PPM1H: variants seen among roughly 807,000 people sequenced by gnomAD.
PPM1H encodes protein phosphatase, Mg2+/Mn2+ dependent 1H, also known as protein phosphatase 1H.
In PPM1H, 27 loss-of-function variants were observed where a neutral mutation model predicts 54.9. The observed-to-expected ratio is 0.49, with a 90% CI of 0.36 to 0.68. The LOEUF (loss-of-function observed/expected upper bound fraction) is 0.68, where lower values mean the gene tolerates loss of function less well. PPM1H is among the 30% of genes least tolerant of loss of function. The pLI is 0.00. For synonymous variants in PPM1H, 305 were observed against 270.8 expected (o/e 1.13, Z -1.24); for missense variants, 596 against 667.8 (o/e 0.89, Z 1.19).
At chr12:62,865,525 GC>G (rs537770051) in intron 1 of PPM1H, among the ~76,000 whole-genome samples, 51 of 152,090 alleles carry the variant, frequency 3.4e-4, no homozygotes, top group African/African-American at 1.2e-3. Context: ...ATTTTTTCTG[GC>G]CCTTTGTCAT....
At chr12:62,892,011 T>C (rs1434874383) in intron 1 of PPM1H, among the ~76,000 whole-genome samples, 1 of 152,226 alleles carries the variant, frequency 6.6e-6, no homozygotes, top group Non-Finnish European at 1.5e-5. Flanking sequence ...GATTAACTTA[T>C]GGCTACAACT....
intron 8 of PPM1H, among the ~76,000 whole-genome samples, chr12:62,673,840 C>A (rs1040361111): frequency 6.7e-6 from 1 of 149,720 alleles, no homozygotes; most frequent in African/African-American, 2.5e-5. Context: ...ACCCTCCCAT[C>A]TCAGCCTTTC....
At chr12:62,693,349 T>C (rs1249696137) in intron 7 of PPM1H, among the ~76,000 whole-genome samples, 3 of 152,222 alleles carry the variant, frequency 2.0e-5, no homozygotes, top group African/African-American at 4.8e-5. Flanking sequence ...GTCTGGACTC[T>C]GGTTGCTGTG....
At chr12:62,817,151 C>CA (rs1565797674) in intron 2 of PPM1H, among the ~76,000 whole-genome samples, 91 of 58,842 alleles carry the variant, frequency 1.5e-3, no homozygotes, top group Non-Finnish European at 2.2e-3. Context: ...AAAAAAAAAA[C>CA]TAAAAAAAAG....
At position 62,858,468 on chromosome 12, in the gene PPM1H, T is replaced by G. The variant is rs561077238; in HGVS notation, c.246-26189A>C. 3.7e-3 allele frequency among the ~76,000 whole-genome samples: 564 copies of G among 152,308 alleles called. 4 individuals are homozygous for G. The highest frequency in any genetic ancestry group is 0.012 in the South Asian group (58 of 4,830). On this transcript the variant is annotated intron_variant, in intron 1 of 9. Transcript: ENST00000228705. Reference sequence around the variant, plus strand: ...TGCTTTTTTTGTTGTTGTTGTTGTTTTTTTCATAAATAACTCTACAGGTTT... The same window carrying G: ...TGCTTTTTTTGTTGTTGTTGTTGTTGTTTTCATAAATAACTCTACAGGTTT...
intron 8 of PPM1H, among the ~76,000 whole-genome samples, chr12:62,676,181 A>T (rs2075984798): frequency 6.6e-6 from 1 of 152,192 alleles, no homozygotes; most frequent in East Asian, 1.9e-4. Context: ...GCTTCAAGTC[A>T]TCCCTGGCTT....
intron 1 of PPM1H, among the ~76,000 whole-genome samples, chr12:62,933,146 C>G (rs577482367): frequency 6.6e-6 from 1 of 152,254 alleles, no homozygotes; most frequent in South Asian, 2.1e-4. Context: ...TTTTTACTGT[C>G]TGAGCTCCCA....
intron 4 of PPM1H, among the ~76,000 whole-genome samples, chr12:62,771,295 G>GACACAC (rs4026219): frequency 0.01 from 1,321 of 131,954 alleles, 11 homozygotes; most frequent in South Asian, 0.021. Context: ...ACTTTGTGAA[G>GACACAC]ACACACACAC....
chr12:62,924,264 G>A (rs969784179), intron 1 of PPM1H, among the ~76,000 whole-genome samples: 1 of 152,140 alleles, frequency 6.6e-6, no homozygotes, highest in Admixed American at 6.5e-5. Context: ...CCAACTCAAA[G>A]GGTTAAAAAG....
At chr12:62,890,738 AC>A (rs1195777241) in intron 1 of PPM1H, among the ~76,000 whole-genome samples, 1 of 151,568 alleles carries the variant, frequency 6.6e-6, no homozygotes, top group Non-Finnish European at 1.5e-5. Context: ...ACACACACAC[AC>A]ACACACACAC....
In PPM1H at chr12:62,754,136, T is replaced by C. The variant is rs929791120; in HGVS notation, c.870-16550A>G. Among the ~76,000 whole-genome samples the C allele has an allele frequency of 4.6e-5, 7 of 152,300 alleles. No individual in the cohort carries two copies. The East Asian group carries it at 7.7e-4, about 17-fold the overall frequency. On this transcript the variant is annotated intron_variant, in intron 4 of 9. Coordinates refer to ENST00000228705, the MANE Select transcript of PPM1H (RefSeq NM_020700.2). The stretch of plus-strand genomic sequence containing the variant: ...AAAAATGAGGCTGTCACAGTACTGT[T>C]AGGGATCTGGAAGGAAGGGCATTGA...
chr12:62,755,959 C>A, intron 4 of PPM1H: 1 of 951,094 alleles, frequency 1.1e-6, no homozygotes. Context: ...CAGTTGTGGG[C>A]CTGAACTGCT....
chr12:62,817,279 G>A (rs1425930703), intron 2 of PPM1H, among the ~76,000 whole-genome samples: 1 of 150,592 alleles, frequency 6.6e-6, no homozygotes, highest in Non-Finnish European at 1.5e-5. Flanking sequence ...TGGCTAACAC[G>A]GTGAAACCCC....
rs2076715647 is a variant in PPM1H at position 62,793,826 on chromosome 12, T to C, written c.757-5488A>G. Among the ~76,000 whole-genome samples, 3 of 150,932 alleles carry C rather than the reference T, an allele frequency of 2.0e-5. No homozygotes were observed. In the South Asian group the frequency reaches 6.3e-4, roughly 32 times the overall value. On this transcript the variant is annotated intron_variant, in intron 3 of 9. Coordinates refer to ENST00000228705, the MANE Select transcript of PPM1H (RefSeq NM_020700.2). ...AGGAAAGAAGTGCAAGAGAAAAATATTGCCCGGGATGGTAATAATTTGGTT... is the reference window on the plus strand; with the variant it reads ...AGGAAAGAAGTGCAAGAGAAAAATACTGCCCGGGATGGTAATAATTTGGTT...
At chr12:62,856,023 G>A in intron 1 of PPM1H, among the ~76,000 whole-genome samples, 1 of 152,174 alleles carries the variant, frequency 6.6e-6, no homozygotes, top group South Asian at 2.1e-4. Context: ...TTCCCATTTG[G>A]TTGATGGAAG....
intron 8 of PPM1H, among the ~76,000 whole-genome samples, chr12:62,679,201 G>A (rs550735690): frequency 3.3e-5 from 5 of 151,626 alleles, no homozygotes; most frequent in African/African-American, 1.2e-4. Context: ...TGGCCAGGAT[G>A]GTCTTGATCT....
intron 2 of PPM1H, among the ~76,000 whole-genome samples, chr12:62,813,020 CGG>C (rs1250195893): frequency 6.6e-6 from 1 of 151,728 alleles, no homozygotes; most frequent in Non-Finnish European, 1.5e-5. Flanking sequence ...ACCTGAACTC[CGG>C]GGAATCCATA....
chr12:62,878,528 A>T (rs1179606824), intron 1 of PPM1H, among the ~76,000 whole-genome samples: 1 of 151,140 alleles, frequency 6.6e-6, no homozygotes, highest in East Asian at 1.9e-4. Context: ...GTGTGTTTTA[A>T]GGAATCCTAC....
chr12:62,890,748 AC>A (rs1870763724), intron 1 of PPM1H, among the ~76,000 whole-genome samples: 1 of 151,498 alleles, frequency 6.6e-6, no homozygotes, highest in Non-Finnish European at 1.5e-5. Flanking sequence ...ACACACACAC[AC>A]ACACACATAT....
Sources: allele counts gnomAD v4.1 joint callset (sites outside exome capture counted in the v4.1 genomes callset), GRCh38; gene constraint gnomAD v4.1.1; transcripts MANE v1.5; gene names NCBI Gene and HGNC (gene_info 2026-07-23, HGNC 2026-07-21).